Variants in MAP2K5 observed in about 807,000 individuals in gnomAD.
MAP2K5 encodes dual specificity mitogen-activated protein kinase kinase 5.
In MAP2K5, 49 loss-of-function variants were observed where a neutral mutation model predicts 83.1. The observed-to-expected ratio is 0.59, with a 90% CI of 0.47 to 0.75. The LOEUF (loss-of-function observed/expected upper bound fraction) is 0.75. MAP2K5 is among the 30% of genes least tolerant of loss of function. The probability of loss-of-function intolerance (pLI) is 0.00; values close to 1 mark genes in which losing one functional copy is unlikely to be tolerated. For missense variants in MAP2K5, 457 were observed against 557.5 expected (o/e 0.82, Z 1.82); for synonymous variants, 202 against 191.8 (o/e 1.05, Z -0.44).
rs1449627327 is a variant in MAP2K5 at position 67,580,680 on chromosome 15, A to T, written c.253-74A>T. 3 of 957,486 alleles carry T rather than the reference A, an allele frequency of 3.1e-6. No homozygotes were observed. The African/African-American group carries it at 4.8e-5, about 15-fold the overall frequency. 59.3% of individuals were successfully genotyped at this position (957,486 alleles called of 1,614,324 possible). A position where few individuals can be genotyped will look rare whatever the true frequency, so the allele number is the denominator to read the frequency against. On this transcript the variant is annotated intron_variant, in intron 3 of 21. Coordinates refer to ENST00000178640, the MANE Select transcript of MAP2K5 (RefSeq NM_145160.3). Reference sequence around the variant, plus strand: ...CCAGCAATTTACAAAAGTACTGTGAATTAAACAACCCATAAGTGTCTGTTC... The same window carrying T: ...CCAGCAATTTACAAAAGTACTGTGATTTAAACAACCCATAAGTGTCTGTTC...
chr15:67,744,768 T>G (rs577219094), intron 17 of MAP2K5, among the ~76,000 whole-genome samples: 51 of 152,352 alleles, frequency 3.3e-4, no homozygotes, highest in Middle Eastern at 3.4e-3. Flanking sequence ...AACTTCTACA[T>G]TGGCAATTTC....
chr15:67,613,534 A>T (rs1057090568), intron 8 of MAP2K5, among the ~76,000 whole-genome samples: 1 of 152,196 alleles, frequency 6.6e-6, no homozygotes, highest in Non-Finnish European at 1.5e-5. Context: ...ACTAGCCATG[A>T]TGATATCCTC....
chr15:67,579,781 A>AT (rs1567286348), intron 3 of MAP2K5, among the ~76,000 whole-genome samples: 1 of 152,202 alleles, frequency 6.6e-6, no homozygotes, highest in African/African-American at 2.4e-5. Flanking sequence ...CTAAAAAAAA[A>AT]CTTTTAAAGA....
At chr15:67,595,061 C>T (rs973048474) in intron 7 of MAP2K5, among the ~76,000 whole-genome samples, 1 of 152,132 alleles carries the variant, frequency 6.6e-6, no homozygotes, top group Non-Finnish European at 1.5e-5. Flanking sequence ...TTTATGCTCT[C>T]AAGCATTAAT....
At chr15:67,549,243 A>G in intron 1 of MAP2K5, 1 of 1,473,468 alleles carries the variant, frequency 6.8e-7, no homozygotes. Flanking sequence ...AAGCTGTCTC[A>G]GTATACTAAT....
At chr15:67,659,546 G>A (rs2087182108) in intron 12 of MAP2K5, among the ~76,000 whole-genome samples, 1 of 152,032 alleles carries the variant, frequency 6.6e-6, no homozygotes, top group Non-Finnish European at 1.5e-5. Context: ...CTCCTAAGTA[G>A]CTTCTCATCT....
chr15:67,601,495 G>C (rs1436652812), intron 8 of MAP2K5, among the ~76,000 whole-genome samples: 1 of 152,102 alleles, frequency 6.6e-6, no homozygotes, highest in Admixed American at 6.5e-5. Context: ...AGCCCTGAGG[G>C]AATAATAAAA....
Position 67,676,510 on chromosome 15 carries a change from TAAAG to T in MAP2K5, c.847+11866_847+11869del, listed in dbSNP as rs2087687677. Among the ~76,000 whole-genome samples, 1 of 152,152 alleles carries T rather than the reference TAAAG, an allele frequency of 6.6e-6. No homozygotes were observed. The highest frequency in any genetic ancestry group is 2.1e-4 in the South Asian group (1 of 4,820). On this transcript the variant is annotated intron_variant, in intron 13 of 21. Coordinates refer to ENST00000178640, the MANE Select transcript of MAP2K5 (RefSeq NM_145160.3). This position sits in a 1 kb window ranked among gnomAD's most constrained non-coding sequence, Gnocchi z 4.8. ...AGCTCTCCATGTCTCTTCCTTTCTC[TAAAG>T]GCATGGTTGAAGGTGATCAGCACCA...
intron 9 of MAP2K5, among the ~76,000 whole-genome samples, chr15:67,645,752 T>C (rs1207969009): frequency 4.6e-5 from 7 of 151,266 alleles, no homozygotes; most frequent in Admixed American, 4.6e-4. Flanking sequence ...GGGTTCTCGC[T>C]ATGGTGCTTA....
intron 13 of MAP2K5, among the ~76,000 whole-genome samples, chr15:67,673,069 GTAGTAT>G (rs1434325525): frequency 1.3e-5 from 2 of 152,164 alleles, no homozygotes; most frequent in African/African-American, 4.8e-5. Flanking sequence ...CTGTAGCCTT[GTAGTAT>G]AGTTTGAAGT....
At chr15:67,609,336 G>A (rs1031088722) in intron 8 of MAP2K5, among the ~76,000 whole-genome samples, 3 of 151,770 alleles carry the variant, frequency 2.0e-5, no homozygotes, top group Admixed American at 2.0e-4. Context: ...CACTAGTGGG[G>A]CAAACAATAA....
Position 67,777,963 on chromosome 15 carries a change from G to C in MAP2K5, c.1242+5211G>C, listed in dbSNP as rs1291732931. On this transcript the variant is annotated intron_variant, in intron 21 of 21. Transcript: ENST00000178640. The surrounding 1 kb of genome is among the most constrained non-coding windows in gnomAD (Gnocchi z 6.0). Reference sequence around the variant, plus strand: ...AGTGGCATTAGAAATACAACAAGTTGGCATGGGTCCTAGAAGGCGGGGTAT... The same window carrying C: ...AGTGGCATTAGAAATACAACAAGTTCGCATGGGTCCTAGAAGGCGGGGTAT... 6.6e-6 allele frequency among the ~76,000 whole-genome samples: 1 copy of C among 152,194 alleles called. No individual in the cohort carries two copies. Among genetic ancestry groups the C allele is most frequent in the Admixed American group, 6.5e-5 (1 of 15,274 alleles).
At chr15:67,544,923 C>T (rs917183940) in intron 1 of MAP2K5, among the ~76,000 whole-genome samples, 5 of 152,164 alleles carry the variant, frequency 3.3e-5, no homozygotes, top group African/African-American at 1.2e-4. Flanking sequence ...CGGAGTTCTC[C>T]ACACAGTCAT....
chr15:67,695,856 T>G (rs182472817), intron 15 of MAP2K5, among the ~76,000 whole-genome samples: 128 of 152,334 alleles, frequency 8.4e-4, no homozygotes, highest in African/African-American at 3.0e-3. Context: ...TTGACAAAAC[T>G]AAAATTGCTT....
At chr15:67,664,333 CAAAAAAAAAAA>C (rs11395465) in intron 12 of MAP2K5, among the ~76,000 whole-genome samples, 1 of 74,090 alleles carries the variant, frequency 1.3e-5, no homozygotes, top group African/African-American at 5.4e-5. Flanking sequence ...CTGTTTCTAC[CAAAAAAAAAAA>C]AAAAAAAAAA....
At chr15:67,683,583 G>A (rs746376001) in intron 13 of MAP2K5, among the ~76,000 whole-genome samples, 13 of 152,008 alleles carry the variant, frequency 8.6e-5, no homozygotes, top group Non-Finnish European at 1.3e-4. Flanking sequence ...CCAACATGGC[G>A]AAACCCCATC....
At chr15:67,667,845 A>G (rs2087425349) in intron 13 of MAP2K5, among the ~76,000 whole-genome samples, 1 of 152,178 alleles carries the variant, frequency 6.6e-6, no homozygotes, top group African/African-American at 2.4e-5. Flanking sequence ...GAATTTATTA[A>G]ACGTAGTTAA....
chr15:67,547,455 CT>C (rs398057779), intron 1 of MAP2K5, among the ~76,000 whole-genome samples: 17,149 of 128,570 alleles, frequency 0.13, 914 homozygotes, highest in African/African-American at 0.24. Flanking sequence ...TTTCTTTTTT[CT>C]TTTTTTTTTT....
At chr15:67,789,751 T>G (rs2090482941) in intron 21 of MAP2K5, among the ~76,000 whole-genome samples, 1 of 152,210 alleles carries the variant, frequency 6.6e-6, no homozygotes, top group South Asian at 2.1e-4. Context: ...TTAATTTATG[T>G]TTATTTTATT....
Sources: gnomAD v4.1 joint callset for allele counts (sites outside exome capture counted in the v4.1 genomes callset) on GRCh38, gnomAD v4.1.1 for gene constraint, Gnocchi (gnomAD v3.1) non-coding constraint, MANE v1.5 for transcripts, NCBI Gene and HGNC (gene_info 2026-07-23, HGNC 2026-07-21) for gene names.